The following CPEB1 variants were observed in gnomAD, a reference collection of about 807,000 sequenced individuals.
CPEB1 encodes the protein cytoplasmic polyadenylation element binding protein 1.
CPEB1 carries 7 observed loss-of-function variants against 65.8 expected under a neutral mutation model. That is an observed-to-expected ratio of 0.11 (90% confidence interval 0.06 to 0.20). CPEB1 has a LOEUF of 0.20. Ranked by LOEUF, CPEB1 falls within the 10% of genes least tolerant of loss-of-function variation. The probability of loss-of-function intolerance (pLI) is 1.00; values close to 1 mark genes in which losing one functional copy is unlikely to be tolerated. For missense variants in CPEB1, 551 were observed against 712.2 expected (o/e 0.77, Z 2.58); for synonymous variants, 262 against 260.0 (o/e 1.01, Z -0.08).
intron 5 of CPEB1, chr15:82,556,498 C>G (rs2037222732): frequency 5.7e-6 from 1 of 174,352 alleles, no homozygotes. Context: ...TTTCTTTGGT[C>G]AGATTCCTAG....
chr15:82,602,764 T>G (rs937176854), intron 3 of CPEB1, among the ~76,000 whole-genome samples: 16 of 152,292 alleles, frequency 1.1e-4, no homozygotes, highest in South Asian at 2.1e-4. Context: ...AAGAATCGCT[T>G]GAACCCGGGA....
At chr15:82,612,605 G>C (rs185166112) in intron 3 of CPEB1, among the ~76,000 whole-genome samples, 7 of 152,046 alleles carry the variant, frequency 4.6e-5, no homozygotes, top group East Asian at 1.9e-4. Flanking sequence ...GGGAGTCCAA[G>C]GCGGGTGGGT....
intron 2 of CPEB1, among the ~76,000 whole-genome samples, chr15:82,627,847 A>G (rs2045904376): frequency 6.6e-6 from 1 of 152,186 alleles, no homozygotes; most frequent in South Asian, 2.1e-4. Context: ...CCTTGCCAGT[A>G]AAGGACTTTT....
intron 3 of CPEB1, chr15:82,572,067 G>A (rs2040126286): frequency 6.4e-6 from 1 of 157,362 alleles, no homozygotes; most frequent in Non-Finnish European, 1.4e-5. Flanking sequence ...GCAGCCGACT[G>A]CCTGCTCGTG....
chr15:82,638,064 T>G (rs1412982189), intron 1 of CPEB1: 6 of 436,486 alleles, frequency 1.4e-5, no homozygotes, highest in Non-Finnish European at 2.8e-5. Context: ...GTTTCTGTAT[T>G]TAATGTGTTG....
chr15:82,600,549 A>C (rs933302325), intron 3 of CPEB1, among the ~76,000 whole-genome samples: 4 of 152,152 alleles, frequency 2.6e-5, no homozygotes, highest in African/African-American at 7.2e-5. Context: ...CACACAATTG[A>C]AATGTATAGC....
chr15:82,605,728 A>G (rs1457782936), intron 3 of CPEB1, among the ~76,000 whole-genome samples: 1 of 152,230 alleles, frequency 6.6e-6, no homozygotes, highest in Non-Finnish European at 1.5e-5. Context: ...CTGTATTGAT[A>G]GGCACACCAT....
intron 1 of CPEB1, among the ~76,000 whole-genome samples, chr15:82,631,280 C>G (rs570020146): frequency 6.6e-6 from 1 of 152,248 alleles, no homozygotes; most frequent in South Asian, 2.1e-4. Context: ...TCTGACATGC[C>G]TCCCTCCCCT....
intron 3 of CPEB1, among the ~76,000 whole-genome samples, chr15:82,602,383 A>G (rs1435831986): frequency 6.6e-6 from 1 of 152,188 alleles, no homozygotes; most frequent in African/African-American, 2.4e-5. Context: ...GTAATGTATT[A>G]AAAAGATTAA....
chr15:82,594,066 C>A (rs2042479045), intron 3 of CPEB1, among the ~76,000 whole-genome samples: 1 of 152,162 alleles, frequency 6.6e-6, no homozygotes, highest in South Asian at 2.1e-4. Context: ...CTGGCCTCAA[C>A]TTTAAAGTTA....
rs1443510974 is a variant in CPEB1 at position 82,634,126 on chromosome 15, T to G, written c.-97-5570A>C. ...TGTTACTCAGAGGTATGGTTTCAAC[T>G]TATTCATCCTAGCCAAGTTCATCAA... On this transcript the variant is annotated intron_variant, in intron 1 of 12. Coordinates refer to ENST00000684509, the MANE Select transcript of CPEB1 (RefSeq NM_001365242.1). Among the ~76,000 whole-genome samples, 3 of 152,302 alleles carry G rather than the reference T, an allele frequency of 2.0e-5. No individual in the cohort carries two copies. In the South Asian group the frequency reaches 6.2e-4, roughly 32 times the overall value.
chr15:82,608,507 T>C (rs899374389), intron 3 of CPEB1, among the ~76,000 whole-genome samples: 21 of 152,206 alleles, frequency 1.4e-4, no homozygotes, highest in Non-Finnish European at 2.1e-4. Flanking sequence ...AGGGTTGTAG[T>C]AGAGCTAGGG....
At chr15:82,648,597 G>A (rs2047760206), upstream of CPEB1, 1 of 152,386 alleles carries the variant, frequency 6.6e-6, no homozygotes, top group Admixed American at 6.5e-5. Flanking sequence ...CACAGAAATA[G>A]GGCAAGGGAT....
chr15:82,577,390 A>AT (rs1013778862), intron 3 of CPEB1, among the ~76,000 whole-genome samples: 4 of 152,118 alleles, frequency 2.6e-5, no homozygotes, highest in East Asian at 1.9e-4. Context: ...AACTTAAAAA[A>AT]TTTTTTTTTA....
rs149322138 is a variant in CPEB1, at chr15:82,627,143, G to C, written c.271+50C>G. The C allele has an allele frequency of 1.1e-3, 1,643 of 1,433,376 alleles. 17 individuals carry two copies. The highest frequency in any genetic ancestry group is 2.0e-3 in the Middle Eastern group (11 of 5,376). The allele number at this position is 1,433,376 out of a possible 1,614,324, so 88.8% of individuals were successfully genotyped here. A position where few individuals can be genotyped will look rare whatever the true frequency, so the allele number is the denominator to read the frequency against. ...GACCTCTTACATGCACTACTTAGAA[G>C]CAGATCTGTACAGATGCCTACCACG... is the stretch of plus-strand genomic sequence containing the variant. On this transcript the variant is annotated intron_variant, in intron 3 of 12. Coordinates refer to ENST00000684509, the MANE Select transcript of CPEB1 (RefSeq NM_001365242.1).
intron 8 of CPEB1, 64 bp downstream of exon 8, chr15:82,553,403 G>A (rs760308016): frequency 8.8e-6 from 11 of 1,255,238 alleles, no homozygotes; most frequent in Non-Finnish European, 1.3e-5. Flanking sequence ...CCTAGGTGCA[G>A]TTATGTACTA....
At chr15:82,559,913 G>A (rs986951200) in intron 4 of CPEB1, among the ~76,000 whole-genome samples, 27 of 152,090 alleles carry the variant, frequency 1.8e-4, no homozygotes, top group African/African-American at 4.8e-4. Context: ...GCGAAACCCC[G>A]TCTCTACTGA....
chr15:82,567,206 G>A (rs2039276594), intron 4 of CPEB1, among the ~76,000 whole-genome samples: 1 of 152,142 alleles, frequency 6.6e-6, no homozygotes, highest in Non-Finnish European at 1.5e-5. Flanking sequence ...CAGAATGGTT[G>A]TTTGGAAGAA....
intron 4 of CPEB1, among the ~76,000 whole-genome samples, 185 bp downstream of exon 4, chr15:82,571,159 G>A (rs937709825): frequency 6.6e-6 from 1 of 152,174 alleles, no homozygotes; most frequent in Admixed American, 6.5e-5. Context: ...CTGCCTTTAC[G>A]TGGAGCCATC....
Sources: gnomAD v4.1 joint callset for allele counts (sites outside exome capture counted in the v4.1 genomes callset) on GRCh38, gnomAD v4.1.1 for gene constraint, MANE v1.5 for transcripts, NCBI Gene and HGNC (gene_info 2026-07-23, HGNC 2026-07-21) for gene names.